Variants in STK10 observed in about 807,000 individuals in gnomAD.
STK10 encodes serine/threonine-protein kinase 10.
In STK10, 78 loss-of-function variants were observed where a neutral mutation model predicts 113.8. The ratio of observed to expected loss-of-function variants is 0.69; its 90% CI spans 0.57 to 0.83. The LOEUF is 0.83. STK10 is among the 40% of genes least tolerant of loss of function. STK10 has a pLI of 0.00. For synonymous variants in STK10, 465 were observed against 494.7 expected (o/e 0.94, Z 0.80); for missense variants, 1,109 against 1,280.1 (o/e 0.87, Z 2.04).
chr5:172,139,900 C>CAAAAAAAAAAAA (rs34385866), intron 2 of STK10, among the ~76,000 whole-genome samples: 1 of 92,376 alleles, frequency 1.1e-5, no homozygotes, highest in Non-Finnish European at 2.2e-5. Flanking sequence ...AAAGCACAGC[C>CAAAAAAAAAAAA]AAAAAAAAAA....
At chr5:172,047,840 C>CTTGCAGTA (rs1301464148) in intron 18 of STK10, among the ~76,000 whole-genome samples, 2 of 151,614 alleles carry the variant, frequency 1.3e-5, no homozygotes, top group Admixed American at 6.6e-5. Flanking sequence ...CTGACATAAC[C>CTTGCAGTA]TTGCAGTATT....
intron 4 of STK10, among the ~76,000 whole-genome samples, chr5:172,110,031 C>T (rs1038755044): frequency 2.5e-4 from 38 of 152,240 alleles, no homozygotes; most frequent in African/African-American, 9.2e-4. Flanking sequence ...TTGGTTCCAG[C>T]CTCTGCTCTT....
chr5:172,081,684 C>T (rs1433787968), intron 12 of STK10, among the ~76,000 whole-genome samples: 1 of 152,110 alleles, frequency 6.6e-6, no homozygotes, highest in Non-Finnish European at 1.5e-5. Flanking sequence ...CTCTGAGGAC[C>T]ACCCTCAGAG....
chr5:172,085,774 C>A (rs1170784806), intron 10 of STK10, among the ~76,000 whole-genome samples: 1 of 152,014 alleles, frequency 6.6e-6, no homozygotes, highest in African/African-American at 2.4e-5. Context: ...ACAGAAAGAA[C>A]CTAGGCCTCC....
At chr5:172,107,949 A>T (rs1769153382) in intron 4 of STK10, 97 bp from the exon 5 acceptor site, 2 of 982,066 alleles carry the variant, frequency 2.0e-6, no homozygotes, top group Admixed American at 4.4e-5. Flanking sequence ...GTCGACTAAC[A>T]GATGCCATTT....
chr5:172,131,207 GTAT>G (rs1271671935), intron 2 of STK10, among the ~76,000 whole-genome samples: 1 of 151,914 alleles, frequency 6.6e-6, no homozygotes, highest in East Asian at 1.9e-4. Context: ...CTAATTTTTT[GTAT>G]TTTTTGGTAG....
chr5:172,106,263 A>G (rs1769103132), intron 6 of STK10, among the ~76,000 whole-genome samples: 1 of 151,808 alleles, frequency 6.6e-6, no homozygotes, highest in Non-Finnish European at 1.5e-5. Flanking sequence ...TTAGCCAGGC[A>G]TGGTGGTGGG....
At chr5:172,099,555 A>G (rs1768935105) in intron 7 of STK10, among the ~76,000 whole-genome samples, 1 of 152,094 alleles carries the variant, frequency 6.6e-6, no homozygotes, top group Non-Finnish European at 1.5e-5. Flanking sequence ...ACAATAACAG[A>G]AAAAGAAAAG....
intron 4 of STK10, among the ~76,000 whole-genome samples, chr5:172,108,597 T>C (rs1345005074): frequency 3.2e-5 from 4 of 125,366 alleles, no homozygotes; most frequent in East Asian, 4.6e-4. Flanking sequence ...GCCCAGGCAA[T>C]AGAGTGAGAC....
intron 4 of STK10, among the ~76,000 whole-genome samples, chr5:172,116,269 T>C (rs1393606360): frequency 2.6e-5 from 4 of 151,858 alleles, no homozygotes; most frequent in African/African-American, 7.2e-5. Flanking sequence ...TTAGTAGAGA[T>C]TGGGGTTTCG....
At chr5:172,096,376 GA>G in intron 8 of STK10, 49 bp downstream of exon 8, 1 of 1,599,806 alleles carries the variant, frequency 6.3e-7, no homozygotes, top group Non-Finnish European at 8.5e-7. Flanking sequence ...AGGGCCAGCT[GA>G]GATCCTGTCC....
rs764338879 is a variant in STK10, at chr5:172,187,925, C to T, written c.118G>A (p.Gly40Ser). The change falls in exon 1 of 19, where the codon GGC (glycine) becomes AGC (serine). Residue 40 changes from glycine (G) to serine (S), a missense_variant. Gly to Ser is a moderately conservative substitution (Grantham distance 56, BLOSUM62 0). Transcript: ENST00000176763. This position sits in a 1 kb window ranked among gnomAD's most constrained non-coding sequence, Gnocchi z 4.6. The stretch of plus-strand genomic sequence containing the variant: ...CCGAAGGCGCCGTCGCCCAGCTCGC[C>T]CACGATCTCCCACACCTCGTTGGGG... ...LDPNEVWEIV[G>S]ELGDGAFGKV... 1.2e-6 allele frequency: 2 copies of T among 1,613,358 alleles called. No individual in the cohort carries two copies. Among genetic ancestry groups the T allele is most frequent in the African/African-American group, 2.7e-5 (2 of 74,920 alleles).
Position 172,106,640 on chromosome 5 carries a change from C to A in STK10, c.768G>T (p.Thr256=). Residue 256 remains threonine (T), a synonymous_variant, in exon 6 of 19, where the codon ACG becomes ACT. Transcript: ENST00000176763. The part of the protein sequence containing the change: ...LLKIAKSDPP[T]LLTPSKWSVE... ...CTCACCACTTAGAGGGCGTGAGCAG[C>A]GTGGGAGGGTCCGACTTGGCGATCT... 6.2e-7 allele frequency: 1 copy of A among 1,612,700 alleles called. No individual in the cohort carries two copies. The highest frequency in any genetic ancestry group is 2.2e-5 in the East Asian group (1 of 44,826).
intron 4 of STK10, among the ~76,000 whole-genome samples, chr5:172,110,392 T>C (rs1769213452): frequency 2.6e-5 from 4 of 151,832 alleles, no homozygotes; most frequent in African/African-American, 9.7e-5. Flanking sequence ...AGCAACCAAG[T>C]CCTGCCTGAC....
At chr5:172,104,398 T>C (rs1407172906) in intron 7 of STK10, among the ~76,000 whole-genome samples, 1 of 150,466 alleles carries the variant, frequency 6.6e-6, no homozygotes, top group Non-Finnish European at 1.5e-5. Flanking sequence ...ACTCGAGGCA[T>C]GGGCCCAGGC....
chr5:172,080,777 C>A (rs115979789), intron 12 of STK10, among the ~76,000 whole-genome samples: 6,912 of 152,322 alleles, frequency 0.045, 546 homozygotes, highest in African/African-American at 0.16. Flanking sequence ...GTGCAAGGTG[C>A]AGCAGCAAGT....
intron 2 of STK10, among the ~76,000 whole-genome samples, chr5:172,142,968 G>A (rs143633084): frequency 6.6e-6 from 1 of 152,206 alleles, no homozygotes; most frequent in Non-Finnish European, 1.5e-5. Context: ...TACCAAGTGA[G>A]CTTGCTCACC....
chr5:172,152,933 T>C (rs1243050244), intron 2 of STK10, among the ~76,000 whole-genome samples: 4 of 152,242 alleles, frequency 2.6e-5, no homozygotes, highest in East Asian at 1.9e-4. Flanking sequence ...AATTATATTA[T>C]GGAAACTAAT....
Position 172,177,226 on chromosome 5 carries a change from T to C in STK10, c.156+10661A>G, listed in dbSNP as rs528868925. On this transcript the variant is annotated intron_variant, in intron 1 of 18. Transcript: ENST00000176763. Reference sequence around the variant, plus strand: ...CTAGCTGTCCTTCTGTCCCTCCCACTATGTGAGGTCACAGCGAGAAGGCAC... The same window carrying C: ...CTAGCTGTCCTTCTGTCCCTCCCACCATGTGAGGTCACAGCGAGAAGGCAC... 2.0e-5 allele frequency among the ~76,000 whole-genome samples: 3 copies of C among 151,314 alleles called. No individual in the cohort carries two copies. The East Asian group carries it at 5.8e-4, about 29-fold the overall frequency.
Sources: gnomAD v4.1 joint callset for allele counts (sites outside exome capture counted in the v4.1 genomes callset) on GRCh38, gnomAD v4.1.1 for gene constraint, Gnocchi (gnomAD v3.1) non-coding constraint, MANE v1.5 for transcripts, NCBI Gene and HGNC (gene_info 2026-07-23, HGNC 2026-07-21) for gene names.